Variants in LRFN5 observed in about 807,000 individuals in gnomAD.
The protein encoded by LRFN5 is leucine-rich repeat and fibronectin type-III domain-containing protein 5.
In LRFN5, 24 loss-of-function variants were observed where a neutral mutation model predicts 45.6. The ratio of observed to expected loss-of-function variants is 0.53; its 90% CI spans 0.38 to 0.74. The LOEUF is 0.74. LRFN5 is among the 30% of genes least tolerant of loss of function. The pLI is 0.00. For synonymous variants in LRFN5, 340 were observed against 313.8 expected, an observed-to-expected ratio of 1.08 and a Z score of -0.88; for missense variants, 776 against 861.5, an observed-to-expected ratio of 0.90 and a Z score of 1.24.
Position 41,893,015 on chromosome 14 carries a change from T to C in LRFN5, c.2098+1053T>C, listed in dbSNP as rs891181372. 5 of 984,674 alleles carry C rather than the reference T, an allele frequency of 5.1e-6. No individual in the cohort carries two copies. The African/African-American group carries it at 8.7e-5, about 17-fold the overall frequency. The allele number at this position is 984,674 out of a possible 1,614,324, so 61.0% of individuals were successfully genotyped here. A position where few individuals can be genotyped will look rare whatever the true frequency, so the allele number is the denominator to read the frequency against. On this transcript the variant is annotated intron_variant, in intron 4 of 5. Coordinates refer to ENST00000298119, the MANE Select transcript of LRFN5 (RefSeq NM_152447.5). ...AAAATTTAAAAACTTCTAATGGTGT[T>C]CTCATTATATTTATAAGTCATAAAA...
intron 4 of LRFN5, chr14:41,893,533 C>T: frequency 1.0e-6 from 1 of 984,760 alleles, no homozygotes; most frequent in Non-Finnish European, 1.2e-6. Context: ...GTTAAACACA[C>T]AGTAAAAGTT....
chr14:41,627,128 C>A (rs1404111362), intron 1 of LRFN5, among the ~76,000 whole-genome samples: 1 of 152,120 alleles, frequency 6.6e-6, no homozygotes, highest in East Asian at 1.9e-4. Context: ...AAAGACTAAT[C>A]TCTCACTTTA....
At chr14:41,676,668 T>C (rs1484025989) in intron 1 of LRFN5, among the ~76,000 whole-genome samples, 1 of 152,092 alleles carries the variant, frequency 6.6e-6, no homozygotes, top group East Asian at 1.9e-4. Flanking sequence ...GAGAAAGATG[T>C]GGAACAGACT....
intron 2 of LRFN5, among the ~76,000 whole-genome samples, chr14:41,856,677 T>TATTATTA (rs1555326983): frequency 0.027 from 384 of 14,364 alleles, 14 homozygotes; most frequent in African/African-American, 0.051. Context: ...TTATTATTAT[T>TATTATTA]TTTTTTTTTT....
In LRFN5 at chr14:41,674,519, T is replaced by A. The variant is rs1352718053; in HGVS notation, c.-197+65957T>A. ...CGGGCGGGGGGCTGACCCCTCCACCTCTCTCCAGGACGGGGCGGCTGGCCG... is the reference window on the plus strand; with the variant it reads ...CGGGCGGGGGGCTGACCCCTCCACCACTCTCCAGGACGGGGCGGCTGGCCG... On this transcript the variant is annotated intron_variant, in intron 1 of 5. Transcript: ENST00000298119. 4.0e-5 allele frequency among the ~76,000 whole-genome samples: 5 copies of A among 126,518 alleles called. No individual in the cohort carries two copies. In the South Asian group the frequency reaches 1.1e-3, roughly 27 times the overall value. The allele number at this position is 126,518 out of a possible 152,430, so 83.0% of individuals were successfully genotyped here. A position where few individuals can be genotyped will look rare whatever the true frequency, so the allele number is the denominator to read the frequency against.
chr14:41,892,020 A>G (rs189313889), intron 4 of LRFN5, 58 bp downstream of exon 4: 3 of 1,568,698 alleles, frequency 1.9e-6, no homozygotes, highest in African/African-American at 1.4e-5. Flanking sequence ...TACTCCCTCA[A>G]TGGAGAATTA....
intron 1 of LRFN5, among the ~76,000 whole-genome samples, chr14:41,764,740 A>C (rs1022798833): frequency 1.3e-5 from 2 of 152,248 alleles, no homozygotes; most frequent in East Asian, 3.9e-4. Context: ...GTTTTAACCT[A>C]AACAGTTTAT....
chr14:41,884,767 G>T (rs1890505968), intron 2 of LRFN5, among the ~76,000 whole-genome samples: 1 of 152,118 alleles, frequency 6.6e-6, no homozygotes, highest in African/African-American at 2.4e-5. Flanking sequence ...GGGCTCAGAT[G>T]TTTCTCATAG....
Position 41,709,343 on chromosome 14 carries a change from A to G in LRFN5, c.-196-57511A>G, listed in dbSNP as rs190707512. On this transcript the variant is annotated intron_variant, in intron 1 of 5. Coordinates refer to ENST00000298119, the MANE Select transcript of LRFN5 (RefSeq NM_152447.5). ...AGAAGACTTCCTTGCTTATATGGCA[A>G]AATGAGATGACCTAACCTGCTCTGT... Among the ~76,000 whole-genome samples the G allele has an allele frequency of 5.5e-4, 84 of 152,184 alleles. 1 individual carries two copies. The highest frequency in any genetic ancestry group is 1.7e-3 in the African/African-American group (72 of 41,562).
chr14:41,725,416 G>C (rs184053315), intron 1 of LRFN5, among the ~76,000 whole-genome samples: 5 of 152,272 alleles, frequency 3.3e-5, no homozygotes, highest in Admixed American at 3.3e-4. Context: ...TGTATATCAT[G>C]TGGTAGTTAG....
At chr14:41,723,848 A>C (rs1342992356) in intron 1 of LRFN5, among the ~76,000 whole-genome samples, 3 of 152,160 alleles carry the variant, frequency 2.0e-5, no homozygotes, top group African/African-American at 7.2e-5. Flanking sequence ...GTGCCATCAT[A>C]ATGCCATGTC....
intron 1 of LRFN5, among the ~76,000 whole-genome samples, chr14:41,736,648 A>C (rs1884445647): frequency 6.6e-6 from 1 of 152,186 alleles, no homozygotes; most frequent in Admixed American, 6.6e-5. Context: ...AAATAACACA[A>C]TAAAAAATGA....
chr14:41,855,854 T>C (rs1241623794), intron 2 of LRFN5, among the ~76,000 whole-genome samples: 1 of 152,182 alleles, frequency 6.6e-6, no homozygotes, highest in East Asian at 1.9e-4. Flanking sequence ...TTTGTGAAAC[T>C]ATGTATCACT....
chr14:41,765,244 A>G (rs1885832727), intron 1 of LRFN5, among the ~76,000 whole-genome samples: 1 of 151,348 alleles, frequency 6.6e-6, no homozygotes, highest in Non-Finnish European at 1.5e-5. Context: ...CGGGAGGCTG[A>G]GGCAGGAGAA....
rs532978275 is a variant in LRFN5, at chr14:41,877,647, C to T, written c.-20-8959C>T. Among the ~76,000 whole-genome samples, 14 of 151,710 alleles carry T rather than the reference C, an allele frequency of 9.2e-5. No homozygotes were observed. In the South Asian group the frequency reaches 2.5e-3, roughly 27 times the overall value. The stretch of plus-strand genomic sequence containing the variant: ...ATGTGTGTGTGTATATATATACACA[C>T]GCACATGTTGAGAACAAAAATTACA... On this transcript the variant is annotated intron_variant, in intron 2 of 5. Coordinates refer to ENST00000298119, the MANE Select transcript of LRFN5 (RefSeq NM_152447.5).
At chr14:41,662,068 G>A (rs886137050) in intron 1 of LRFN5, among the ~76,000 whole-genome samples, 1 of 152,054 alleles carries the variant, frequency 6.6e-6, no homozygotes, top group Non-Finnish European at 1.5e-5. Flanking sequence ...CAAACTTAGG[G>A]TAGGTGGTGT....
At chr14:41,803,251 A>C (rs933851549) in intron 2 of LRFN5, among the ~76,000 whole-genome samples, 1 of 152,170 alleles carries the variant, frequency 6.6e-6, no homozygotes, top group Non-Finnish European at 1.5e-5. Flanking sequence ...GCAGTTTTTA[A>C]GTTTTATGTA....
At chr14:41,779,229 C>T (rs755865005) in intron 2 of LRFN5, among the ~76,000 whole-genome samples, 1 of 151,724 alleles carries the variant, frequency 6.6e-6, no homozygotes, top group Non-Finnish European at 1.5e-5. Flanking sequence ...TTGTCAAATG[C>T]TTGTTCTAAA....
chr14:41,697,179 A>G (rs1882649659), intron 1 of LRFN5, among the ~76,000 whole-genome samples: 2 of 151,954 alleles, frequency 1.3e-5, no homozygotes, highest in South Asian at 4.1e-4. Flanking sequence ...GATAGGTTTG[A>G]TAAATTCACA....
Sources: gnomAD v4.1 joint callset for allele counts (sites outside exome capture counted in the v4.1 genomes callset) on GRCh38, gnomAD v4.1.1 for gene constraint, MANE v1.5 for transcripts, NCBI Gene and HGNC (gene_info 2026-07-23, HGNC 2026-07-21) for gene names.